Variants in ABCB4 observed in about 807,000 individuals in gnomAD.
ABCB4 encodes ATP binding cassette subfamily B member 4, also known as phosphatidylcholine translocator ABCB4.
Under a neutral mutation model 145.7 loss-of-function variants are expected in ABCB4, and 76 were observed. The ratio of observed to expected loss-of-function variants is 0.52; its 90% CI spans 0.43 to 0.63. The LOEUF (loss-of-function observed/expected upper bound fraction) is 0.63. ABCB4 is among the 30% of genes least tolerant of loss of function. The pLI is 0.00. For missense variants in ABCB4, 1,234 were observed against 1,553.1 expected (o/e 0.79, Z 3.45); for synonymous variants, 517 against 566.8 (o/e 0.91, Z 1.25).
chr7:87,402,954 C>T (rs1340955734), intron 27 of ABCB4, among the ~76,000 whole-genome samples, 181 bp downstream of exon 27: 1 of 152,054 alleles, frequency 6.6e-6, no homozygotes, highest in Non-Finnish European at 1.5e-5. Flanking sequence ...AGCTGGATTG[C>T]GCCACTGCAC....
intron 8 of ABCB4, among the ~76,000 whole-genome samples, chr7:87,449,128 G>A (rs1811537091): frequency 6.6e-6 from 1 of 152,060 alleles, no homozygotes; most frequent in South Asian, 2.1e-4. Flanking sequence ...TCAGAGAAGA[G>A]TTTGCAACAT....
At chr7:87,460,853 T>C (rs1226816674) in intron 4 of ABCB4, among the ~76,000 whole-genome samples, 1 of 152,124 alleles carries the variant, frequency 6.6e-6, no homozygotes, top group Non-Finnish European at 1.5e-5. Context: ...GGTGTCTTAA[T>C]ATGGGCATCA....
At chr7:87,469,348 C>A (rs563867615) in intron 3 of ABCB4, among the ~76,000 whole-genome samples, 2 of 152,292 alleles carry the variant, frequency 1.3e-5, no homozygotes, top group South Asian at 2.1e-4. Context: ...TCCTATTCAA[C>A]ATAGTGTTGG....
intron 17 of ABCB4, 126 bp downstream of exon 17, chr7:87,423,780 A>AG: frequency 8.6e-7 from 1 of 1,161,372 alleles, no homozygotes; most frequent in East Asian, 2.3e-5. Flanking sequence ...AAGGGATTTA[A>AG]GGACTTTGGC....
the ABCB4 span, chr7:87,381,992 AG>A: frequency 7.5e-6 from 12 of 1,599,668 alleles, no homozygotes; most frequent in Non-Finnish European, 1.0e-5. Context: ...GGAAGATGGA[AG>A]GTATGTTTGA....
intron 3 of ABCB4, among the ~76,000 whole-genome samples, chr7:87,465,447 C>T (rs1159249945): frequency 2.0e-5 from 3 of 152,216 alleles, no homozygotes; most frequent in Non-Finnish European, 4.4e-5. Flanking sequence ...AGAGACCTGC[C>T]TGCCTCTGTA....
chr7:87,423,999 T>C lies in ABCB4; in HGVS notation c.2118A>G (p.Thr706=). The C allele has an allele frequency of 1.2e-6, 2 of 1,614,148 alleles. No homozygotes were observed. Among genetic ancestry groups the C allele is most frequent in the Non-Finnish European group, 1.7e-6 (2 of 1,179,976 alleles). ...TTCCCACGACAAAGTAGGGCCATTC[T>C]GTTTTATTCAGTTTCAGGACCTTCA... ...SFLKVLKLNK[T]EWPYFVVGTV... is the part of the protein sequence containing the mutation. The change falls in exon 17 of 28, where the codon ACA becomes ACG. Residue 706 remains threonine, a synonymous_variant. Coordinates refer to ENST00000649586, the MANE Select transcript of ABCB4 (RefSeq NM_000443.4).
intron 6 of ABCB4, chr7:87,452,602 C>A: frequency 2.9e-6 from 1 of 339,988 alleles, no homozygotes; most frequent in Non-Finnish European, 5.5e-6. Flanking sequence ...ATTACTAAAG[C>A]AAGTCTCTTT....
rs1396606386 is a variant in ABCB4, at chr7:87,408,280, A to G, written c.3082-46T>C. On this transcript the variant is annotated intron_variant, in intron 24 of 27. Transcript: ENST00000649586. ...TGCTATTATAATTGGCCTGATAATTATTGGAATAAGAAATATTATTTCAAG... is the reference window on the plus strand; with the variant it reads ...TGCTATTATAATTGGCCTGATAATTGTTGGAATAAGAAATATTATTTCAAG... The G allele has an allele frequency of 3.2e-6, 5 of 1,557,606 alleles. No individual in the cohort carries two copies. The South Asian group carries it at 5.6e-5, about 18-fold the overall frequency.
the ABCB4 span, among the ~76,000 whole-genome samples, chr7:87,376,533 T>C: frequency 6.6e-5 from 10 of 152,040 alleles, no homozygotes; most frequent in Non-Finnish European, 1.5e-4. Context: ...AGAAATCTCA[T>C]AGTCTTTTGA....
chr7:87,383,660 C>A, the ABCB4 span, among the ~76,000 whole-genome samples: 2 of 151,976 alleles, frequency 1.3e-5, no homozygotes, highest in East Asian at 1.9e-4. Flanking sequence ...CCATGCCTGG[C>A]TAATTTTTAT....
chr7:87,470,848 CCCAG>C (rs1235620478), intron 3 of ABCB4, among the ~76,000 whole-genome samples: 29 of 152,258 alleles, frequency 1.9e-4, no homozygotes, highest in African/African-American at 7.0e-4. Flanking sequence ...TATCATTTGA[CCCAG>C]CCATCCCATT....
chr7:87,443,184 T>C (rs2116713174), intron 12 of ABCB4, 135 bp downstream of exon 12: 1 of 1,089,750 alleles, frequency 9.2e-7, no homozygotes, highest in African/African-American at 1.5e-5. Context: ...GAAGGCATTA[T>C]CCATCGGCAT....
At chr7:87,460,620 T>TTTTA (rs200679869) in intron 4 of ABCB4, among the ~76,000 whole-genome samples, 4,174 of 146,418 alleles carry the variant, frequency 0.029, 100 homozygotes, top group South Asian at 0.074. Flanking sequence ...GGACACAATT[T>TTTTA]TGTATTTATT....
At chr7:87,375,884 T>G in the ABCB4 span, 1 of 1,613,516 alleles carries the variant, frequency 6.2e-7, no homozygotes, top group Non-Finnish European at 8.5e-7. Flanking sequence ...TAGAAAAAAT[T>G]CAGAGTAGTT....
chr7:87,422,050 C>T (rs1039983917), intron 18 of ABCB4, 71 bp downstream of exon 18: 4 of 1,111,558 alleles, frequency 3.6e-6, no homozygotes, highest in Non-Finnish European at 5.3e-6. Context: ...TTTGGAAGCT[C>T]CATTAGGTTT....
chr7:87,424,683 A>G (rs1809688953), intron 16 of ABCB4, among the ~76,000 whole-genome samples: 1 of 152,092 alleles, frequency 6.6e-6, no homozygotes, highest in Non-Finnish European at 1.5e-5. Flanking sequence ...CTTATTTCAT[A>G]GCTTAGCTTG....
At chr7:87,402,716 T>A (rs1807881931) in intron 27 of ABCB4, among the ~76,000 whole-genome samples, 1 of 152,158 alleles carries the variant, frequency 6.6e-6, no homozygotes, top group Non-Finnish European at 1.5e-5. Flanking sequence ...AAATAACCAC[T>A]ATCAGCCGGG....
At chr7:87,372,721 T>C in the ABCB4 span, among the ~76,000 whole-genome samples, 4 of 152,202 alleles carry the variant, frequency 2.6e-5, no homozygotes, top group Non-Finnish European at 5.9e-5. Flanking sequence ...GCCTTTTGTG[T>C]GTAGCTTCTT....
Sources: gnomAD v4.1 joint callset for allele counts (sites outside exome capture counted in the v4.1 genomes callset) on GRCh38, gnomAD v4.1.1 for gene constraint, MANE v1.5 for transcripts, NCBI Gene and HGNC (gene_info 2026-07-23, HGNC 2026-07-21) for gene names.